LETM2: variants seen among roughly 807,000 people sequenced by gnomAD.
LETM2 encodes the protein leucine zipper and EF-hand containing transmembrane protein 2.
Under a neutral mutation model 59.6 loss-of-function variants are expected in LETM2, and 58 were observed. That is an observed-to-expected ratio of 0.97 (90% CI 0.79 to 1.21). The LOEUF is 1.21. LETM2 is among the 50% of genes most tolerant of loss of function. LETM2 has a pLI of 0.00. For synonymous variants in LETM2, 199 were observed against 214.1 expected, an observed-to-expected ratio of 0.93 and a Z score of 0.62; for missense variants, 572 against 575.7, an observed-to-expected ratio of 0.99 and a Z score of 0.07.
chr8:38,390,929 C>T (rs915428956), intron 2 of LETM2, among the ~76,000 whole-genome samples: 3 of 151,978 alleles, frequency 2.0e-5, no homozygotes, highest in African/African-American at 4.8e-5. Context: ...GATCCACCTT[C>T]CTCAGCCTCC....
intron 8 of LETM2, among the ~76,000 whole-genome samples, chr8:38,406,316 T>C (rs1337446167): frequency 6.6e-6 from 1 of 152,210 alleles, no homozygotes; most frequent in Non-Finnish European, 1.5e-5. Flanking sequence ...AGAAAATAAC[T>C]GAGGCCAGTA....
At chr8:38,407,982 G>C (rs563032193) in intron 10 of LETM2, 1 of 492,876 alleles carries the variant, frequency 2.0e-6, no homozygotes, top group Admixed American at 3.4e-5. Context: ...TGGCTGGCAG[G>C]ACAGAGAATC....
At chr8:38,406,807 T>A in intron 8 of LETM2, 139 bp from the exon 9 acceptor site, 1 of 580,938 alleles carries the variant, frequency 1.7e-6, no homozygotes, top group East Asian at 2.8e-5. Context: ...AGGTTACTCA[T>A]AAAGGGTGTA....
In LETM2 at chr8:38,408,350, A is replaced by ACAGTCT; in HGVS notation, c.*76_*77insCAGTCT. ...GTGGCATCTGTAAAGGACCTCCCAG[A>ACAGTCT]TAAGACTGTCTGGCTTCAGAGAGCG... On this transcript the variant is annotated 3_prime_UTR_variant, in exon 11 of 11. Transcript: ENST00000379957. 7 of 1,271,626 alleles carry ACAGTCT rather than the reference A, an allele frequency of 5.5e-6. No homozygotes were observed. Among genetic ancestry groups the ACAGTCT allele is most frequent in the East Asian group, 2.4e-5 (1 of 41,440 alleles). The allele number at this position is 1,271,626 out of a possible 1,614,324, so 78.8% of individuals were successfully genotyped here. A position where few individuals can be genotyped will look rare whatever the true frequency, so the allele number is the denominator to read the frequency against.
rs188536159 is a variant in LETM2, at chr8:38,392,398, C to T, written c.48-144C>T. The T allele has an allele frequency of 4.2e-3, 2,592 of 615,546 alleles. 13 individuals are homozygous for T. The highest frequency in any genetic ancestry group is 5.6e-3 in the Non-Finnish European group (1,965 of 353,914). The allele number at this position is 615,546 out of a possible 1,614,324, so 38.1% of individuals were successfully genotyped here. A position where few individuals can be genotyped will look rare whatever the true frequency, so the allele number is the denominator to read the frequency against. Reference sequence around the variant, plus strand: ...CGAGATTGCACCACTGCACTCCAGCCTGGGCAATGGGAGTGGAAAAAAAAA... The same window carrying T: ...CGAGATTGCACCACTGCACTCCAGCTTGGGCAATGGGAGTGGAAAAAAAAA... On this transcript the variant is annotated intron_variant, in intron 2 of 10. Coordinates refer to ENST00000379957, the MANE Select transcript of LETM2 (RefSeq NM_001286819.2).
At position 38,405,474 on chromosome 8, in the gene LETM2, G is replaced by A. The variant is rs189048006; in HGVS notation, c.1218+968G>A. ...TCCAAGTACTAAGTGAGGGCCAGTC[G>A]TTTTACATCTTAATTATGCTGTTGA... On this transcript the variant is annotated intron_variant, in intron 8 of 10. Transcript: ENST00000379957. Among the ~76,000 whole-genome samples, 173 of 152,300 alleles carry A rather than the reference G, an allele frequency of 1.1e-3. 2 individuals are homozygous for A. Among genetic ancestry groups the A allele is most frequent in the Non-Finnish European group, 1.8e-4 (12 of 68,028 alleles).
chr8:38,399,987 C>T (rs1168835090), intron 4 of LETM2, among the ~76,000 whole-genome samples: 3 of 151,930 alleles, frequency 2.0e-5, no homozygotes, highest in Non-Finnish European at 2.9e-5. Flanking sequence ...GATAGTATCT[C>T]GTGCTAAATA....
intron 4 of LETM2, 135 bp from the exon 5 acceptor site, chr8:38,400,137 A>G (rs1294672913): frequency 1.6e-6 from 1 of 622,826 alleles, no homozygotes; most frequent in Non-Finnish European, 2.6e-6. Flanking sequence ...AAACCCATTC[A>G]TCTATGCCTG....
chr8:38,400,544 T>C, intron 5 of LETM2, 135 bp downstream of exon 5: 6 of 839,004 alleles, frequency 7.2e-6, no homozygotes, highest in Non-Finnish European at 1.1e-5. Flanking sequence ...TATAATATTG[T>C]AAACATTTAA....
Position 38,406,977 on chromosome 8 carries a change from C to G in LETM2, c.1250C>G (p.Pro417Arg), listed in dbSNP as rs754932891. The change falls in exon 9 of 11, where the codon CCT becomes CGT. Residue 417 changes from proline (P) to arginine (R), a missense_variant. By Grantham distance (103) the Pro-to-Arg change is moderately radical. Coordinates refer to ENST00000379957, the MANE Select transcript of LETM2 (RefSeq NM_001286819.2). ...AAGACTGATATTCTTGTGGAATTAC[C>G]TACTTTCACTGAATCTAAAGAGAAC... ...APKTDILVELPTFTESKENMV... is the reference protein window; with the variant it reads ...APKTDILVELRTFTESKENMV... The G allele has an allele frequency of 3.1e-6, 5 of 1,611,518 alleles. No homozygotes were observed. Among genetic ancestry groups the G allele is most frequent in the Admixed American group, 1.7e-5 (1 of 60,002 alleles).
At chr8:38,406,346 A>T (rs1035804213) in intron 8 of LETM2, 3 of 152,268 alleles carry the variant, frequency 2.0e-5, no homozygotes, top group Admixed American at 1.3e-4. Flanking sequence ...CATGCCTGTA[A>T]TCCAGCACTT....
Position 38,408,220 on chromosome 8 carries a change from G to A in LETM2, c.1422G>A (p.Gln474=), listed in dbSNP as rs746123031. The part of the protein sequence containing the change: ...PITSSEEPTL[Q]AKSQMTAQNS... Reference sequence around the variant, plus strand: ...TTGTTTTTTACGCCTAGACACTCCAGGCCAAATCACAAATGACGGCCCAGA... The same window carrying A: ...TTGTTTTTTACGCCTAGACACTCCAAGCCAAATCACAAATGACGGCCCAGA... The change falls in exon 11 of 11, where the codon CAG becomes CAA. Residue 474 remains glutamine (Q), a synonymous_variant. Coordinates refer to ENST00000379957, the MANE Select transcript of LETM2 (RefSeq NM_001286819.2). 5 of 1,612,756 alleles carry A rather than the reference G, an allele frequency of 3.1e-6. No homozygotes were observed. The East Asian group carries it at 6.7e-5, about 22-fold the overall frequency.
At chr8:38,403,380 G>GT (rs764773692) in intron 7 of LETM2, among the ~76,000 whole-genome samples, 34 of 152,264 alleles carry the variant, frequency 2.2e-4, no homozygotes, top group Non-Finnish European at 3.7e-4. Flanking sequence ...TTCACGTAGT[G>GT]TAACGGGTCC....
rs1205622513 is a variant in LETM2 at position 38,400,408 on chromosome 8, A to C, written c.782A>C (p.Gln261Pro). Residue 261 changes from glutamine (Q) to proline (P), a missense_variant and splice_region_variant, in exon 5 of 11, where the codon CAG becomes CCG. Coordinates refer to ENST00000379957, the MANE Select transcript of LETM2 (RefSeq NM_001286819.2). Reference protein sequence around the residue: ...ASTQLSSYVKQVQTGHKPSTK... With the variant: ...ASTQLSSYVKPVQTGHKPSTK... ...ACACAGCTCTCATCCTACGTGAAGC[A>C]GGTGTCCATCTTTTATGTAATGCCG... The C allele has an allele frequency of 1.3e-6, 2 of 1,569,982 alleles. No homozygotes were observed. Among genetic ancestry groups the C allele is most frequent in the Admixed American group, 3.9e-5 (2 of 51,096 alleles).
At chr8:38,406,736 T>C in intron 8 of LETM2, 1 of 455,042 alleles carries the variant, frequency 2.2e-6, no homozygotes, top group Non-Finnish European at 3.9e-6. Flanking sequence ...CTTTTGTATA[T>C]AAAGTACTCA....
chr8:38,393,842 C>T (rs997984442), intron 3 of LETM2: 8 of 323,438 alleles, frequency 2.5e-5, no homozygotes, highest in Non-Finnish European at 4.4e-5. Flanking sequence ...CTGCAGAAAA[C>T]CTGTCTTGGG....
rs566057560 is a variant in LETM2 at position 38,404,660 on chromosome 8, A to G, written c.1218+154A>G. The G allele has an allele frequency of 5.1e-6, 3 of 584,036 alleles. No individual in the cohort carries two copies. The Admixed American group carries it at 9.0e-5, about 17-fold the overall frequency. The allele number at this position is 584,036 out of a possible 1,614,324, so 36.2% of individuals were successfully genotyped here. A position where few individuals can be genotyped will look rare whatever the true frequency, so the allele number is the denominator to read the frequency against. The stretch of plus-strand genomic sequence containing the variant: ...TATGTGTTTTAAAAATTTCTAAAAA[A>G]ACCAACCAACCAACCACAAACAAAC... On this transcript the variant is annotated intron_variant, in intron 8 of 10. Transcript: ENST00000379957.
intron 6 of LETM2, 137 bp downstream of exon 6, chr8:38,401,190 G>A: frequency 1.4e-6 from 1 of 697,004 alleles, no homozygotes; most frequent in South Asian, 1.9e-5. Flanking sequence ...CACCCAGGCT[G>A]CAGTGGCGCA....
chr8:38,395,075 T>C (rs1812581689), intron 4 of LETM2, among the ~76,000 whole-genome samples: 1 of 152,174 alleles, frequency 6.6e-6, no homozygotes, highest in Non-Finnish European at 1.5e-5. Context: ...TATCACTGAG[T>C]GATAGTCCAT....
Sources: gnomAD v4.1 joint callset for allele counts (sites outside exome capture counted in the v4.1 genomes callset) on GRCh38, gnomAD v4.1.1 for gene constraint, MANE v1.5 for transcripts, NCBI Gene and HGNC (gene_info 2026-07-23, HGNC 2026-07-21) for gene names.